SMC3: variants seen among roughly 807,000 people sequenced by gnomAD.
SMC3 encodes structural maintenance of chromosomes protein 3.
Under a neutral mutation model 171.8 loss-of-function variants are expected in SMC3, and 20 were observed. That is an observed-to-expected ratio of 0.12 (90% CI 0.08 to 0.17). The LOEUF (loss-of-function observed/expected upper bound fraction) is 0.17. Ranked by LOEUF, SMC3 falls within the 10% of genes least tolerant of loss-of-function variation. The pLI, the probability that SMC3 is intolerant of heterozygous loss-of-function variation, is 1.00. For synonymous variants in SMC3, 464 were observed against 451.1 expected (o/e 1.03, Z -0.36); for missense variants, 543 against 1,420.4 (o/e 0.38, Z 9.93).
chr10:110,601,322 C>G (rs982387330), intron 23 of SMC3, among the ~76,000 whole-genome samples, 192 bp downstream of exon 23: 10 of 152,070 alleles, frequency 6.6e-5, no homozygotes, highest in African/African-American at 2.2e-4. Flanking sequence ...ATGTTTATGA[C>G]AATTTTGAGA....
chr10:110,603,747 GTAAA>G (rs1861423620), intron 28 of SMC3, among the ~76,000 whole-genome samples: 1 of 152,118 alleles, frequency 6.6e-6, no homozygotes, highest in South Asian at 2.1e-4. Context: ...AAACACCACT[GTAAA>G]TAAAGGTTTT....
intron 2 of SMC3, among the ~76,000 whole-genome samples, chr10:110,569,486 G>T (rs956738857): frequency 6.6e-6 from 1 of 152,124 alleles, no homozygotes; most frequent in Non-Finnish European, 1.5e-5. Context: ...GTTATAGGGG[G>T]GTGGGGGCCT....
intron 22 of SMC3, 125 bp from the exon 23 acceptor site, chr10:110,600,897 T>C: frequency 1.4e-6 from 1 of 715,760 alleles, no homozygotes; most frequent in Non-Finnish European, 2.4e-6. Context: ...TACTTCTAAG[T>C]ATTTGTAATT....
chr10:110,586,937 G>A (rs1299698781), intron 13 of SMC3, among the ~76,000 whole-genome samples: 3 of 152,188 alleles, frequency 2.0e-5, no homozygotes, highest in East Asian at 1.9e-4. Context: ...GATTACAGGC[G>A]TGAGCCACCG....
At chr10:110,584,095 A>G in intron 12 of SMC3, 88 bp from the exon 13 acceptor site, 2 of 1,521,026 alleles carry the variant, frequency 1.3e-6, no homozygotes, top group African/African-American at 1.4e-5. Context: ...AAATGGCTTT[A>G]TGTTTCTGTG....
chr10:110,587,673 G>C (rs900433876), intron 13 of SMC3, among the ~76,000 whole-genome samples: 2 of 148,310 alleles, frequency 1.3e-5, no homozygotes, highest in African/African-American at 5.0e-5. Flanking sequence ...ACGACAGAGC[G>C]AGACTCCGTC....
rs1346544310 is a variant in SMC3, at chr10:110,601,869, A to G, written c.2877A>G (p.Thr959=). 2 of 1,613,998 alleles carry G rather than the reference A, an allele frequency of 1.2e-6. No individual in the cohort carries two copies. The highest frequency in any genetic ancestry group is 1.7e-5 in the Admixed American group (1 of 60,020). Residue 959 remains threonine (T), a synonymous_variant, in exon 24 of 29, where the codon ACA becomes ACG. Coordinates refer to ENST00000361804, the MANE Select transcript of SMC3 (RefSeq NM_005445.4). ...LPQEAFEKYQ[T]LSLKQLFRKL... ...AGGAAGCATTTGAAAAGTACCAGAC[A>G]CTGAGCCTCAAACAGGTTGGTTTTA...
At chr10:110,598,808 G>A (rs891947262) in intron 20 of SMC3, among the ~76,000 whole-genome samples, 3 of 152,114 alleles carry the variant, frequency 2.0e-5, no homozygotes, top group Non-Finnish European at 4.4e-5. Context: ...CACCTTCATT[G>A]AACAAATAGG....
intron 21 of SMC3, 27 bp from the exon 22 acceptor site, chr10:110,600,412 A>G: frequency 1.8e-6 from 2 of 1,126,086 alleles, no homozygotes; most frequent in Non-Finnish European, 2.7e-6. Flanking sequence ...GTACATGCTT[A>G]TATAGACAAC....
intron 21 of SMC3, 109 bp downstream of exon 21, chr10:110,599,921 A>C (rs759981814): frequency 3.8e-6 from 4 of 1,061,720 alleles, no homozygotes; most frequent in Non-Finnish European, 5.7e-6. Context: ...AGAAAATATT[A>C]AAATGAGGCT....
chr10:110,578,797 C>G, intron 7 of SMC3, 91 bp downstream of exon 7: 1 of 993,204 alleles, frequency 1.0e-6, no homozygotes, highest in Non-Finnish European at 1.6e-6. Flanking sequence ...AGTGGTTAAG[C>G]TGAAGCAAAA....
intron 17 of SMC3, among the ~76,000 whole-genome samples, chr10:110,591,531 T>C (rs78741711): frequency 6.6e-6 from 1 of 152,226 alleles, no homozygotes; most frequent in Non-Finnish European, 1.5e-5. Flanking sequence ...GGAACTGTCA[T>C]GTATAGTTTA....
chr10:110,601,167 T>A, intron 23 of SMC3, 37 bp downstream of exon 23: 1 of 1,418,262 alleles, frequency 7.1e-7, no homozygotes, highest in South Asian at 1.1e-5. Flanking sequence ...TTTATATGCA[T>A]GTTTTATAAA....
intron 13 of SMC3, 139 bp downstream of exon 13, chr10:110,584,535 C>G: frequency 1.5e-6 from 1 of 647,938 alleles, no homozygotes; most frequent in Non-Finnish European, 2.7e-6. Context: ...TTAGAAAAGG[C>G]CTGCACAGTT....
In SMC3 at chr10:110,567,751, C is replaced by T. The variant is rs1284499271; in HGVS notation, c.-66C>T. On this transcript the variant is annotated 5_prime_UTR_variant, in exon 1 of 29. Transcript: ENST00000361804. Reference sequence around the variant, plus strand: ...GGGAGGGGTCGCGTAGGCGCCTCACCTGACCCTGCGGCCGTGCGGTTGCTG... The same window carrying T: ...GGGAGGGGTCGCGTAGGCGCCTCACTTGACCCTGCGGCCGTGCGGTTGCTG... 3.7e-6 allele frequency: 6 copies of T among 1,603,770 alleles called. No homozygotes were observed. Among genetic ancestry groups the T allele is most frequent in the African/African-American group, 1.3e-5 (1 of 74,750 alleles).
At chr10:110,580,280 G>C (rs1861012674) in intron 7 of SMC3, among the ~76,000 whole-genome samples, 1 of 152,018 alleles carries the variant, frequency 6.6e-6, no homozygotes, top group South Asian at 2.1e-4. Context: ...AGGAAGAATT[G>C]ACTTTTAATA....
At chr10:110,601,286 TA>T (rs778101619) in intron 23 of SMC3, among the ~76,000 whole-genome samples, 156 bp downstream of exon 23, 6 of 152,350 alleles carry the variant, frequency 3.9e-5, no homozygotes, top group Non-Finnish European at 7.4e-5. Context: ...AAGTTGACTA[TA>T]AATAGTAACT....
chr10:110,595,776 T>C (rs186212899), intron 18 of SMC3, among the ~76,000 whole-genome samples: 33 of 152,244 alleles, frequency 2.2e-4, no homozygotes, highest in African/African-American at 7.5e-4. Flanking sequence ...TGTTATTACA[T>C]TGGTATTGTT....
intron 1 of SMC3, among the ~76,000 whole-genome samples, chr10:110,568,669 T>C (rs1287857919): frequency 2.0e-5 from 3 of 152,130 alleles, no homozygotes; most frequent in African/African-American, 7.2e-5. Flanking sequence ...ACACAGTGTT[T>C]TTGATTTTGA....
Sources: gnomAD v4.1 joint callset for allele counts (sites outside exome capture counted in the v4.1 genomes callset) on GRCh38, gnomAD v4.1.1 for gene constraint, MANE v1.5 for transcripts, NCBI Gene and HGNC (gene_info 2026-07-23, HGNC 2026-07-21) for gene names.